The following FRMD4A variants were observed in gnomAD, a reference collection of about 807,000 sequenced individuals.
FRMD4A encodes FERM domain containing 4A, also known as FERM domain-containing protein 4A.
Under a neutral mutation model 129.1 loss-of-function variants are expected in FRMD4A, and 29 were observed. The observed-to-expected ratio is 0.22, with a 90% CI of 0.17 to 0.31. FRMD4A has a LOEUF of 0.31. FRMD4A is among the 10% of genes least tolerant of loss of function. FRMD4A has a pLI of 1.00. For synonymous variants in FRMD4A, 634 were observed against 571.6 expected, an observed-to-expected ratio of 1.11 and a Z score of -1.56; for missense variants, 1,272 against 1,375.8, an observed-to-expected ratio of 0.92 and a Z score of 1.19.
intron 2 of FRMD4A, among the ~76,000 whole-genome samples, chr10:14,123,242 C>G (rs774671363): frequency 6.6e-5 from 10 of 152,120 alleles, no homozygotes; most frequent in Non-Finnish European, 1.3e-4. Flanking sequence ...TATTGAGAGG[C>G]CGCGAGTTTG....
At chr10:14,279,148 T>C (rs948963421) in intron 2 of FRMD4A, among the ~76,000 whole-genome samples, 12 of 151,250 alleles carry the variant, frequency 7.9e-5, no homozygotes, top group African/African-American at 2.7e-4. Flanking sequence ...AAACTTATTA[T>C]CAAAGTAAAC....
At chr10:13,668,131 G>A (rs372319376) in intron 17 of FRMD4A, 1 of 152,270 alleles carries the variant, frequency 6.6e-6, no homozygotes, top group African/African-American at 2.4e-5. Flanking sequence ...GGAACAAGAA[G>A]CGAGAGGAAA....
At chr10:14,285,219 G>A (rs1845645260) in intron 2 of FRMD4A, among the ~76,000 whole-genome samples, 1 of 152,188 alleles carries the variant, frequency 6.6e-6, no homozygotes, top group Admixed American at 6.5e-5. Context: ...GCAAAGCAGG[G>A]CTGCTCCAAC....
At chr10:13,717,696 T>A (rs1433239253) in intron 12 of FRMD4A, among the ~76,000 whole-genome samples, 1 of 136,682 alleles carries the variant, frequency 7.3e-6, no homozygotes, top group South Asian at 2.4e-4. Context: ...GTTCTTGTTT[T>A]TTTTTTTTTT....
At chr10:13,811,290 C>CT (rs1251736240) in intron 3 of FRMD4A, among the ~76,000 whole-genome samples, 14,365 of 126,262 alleles carry the variant, frequency 0.11, 1,081 homozygotes, top group African/African-American at 0.21. Context: ...CCACGCATGG[C>CT]TTTTTTTTTT....
intron 2 of FRMD4A, among the ~76,000 whole-genome samples, chr10:14,206,779 C>T (rs1309717527): frequency 9.0e-6 from 1 of 111,052 alleles, no homozygotes; most frequent in Non-Finnish European, 1.7e-5. Context: ...TACACTCCAG[C>T]AGCCTGGATG....
At chr10:14,016,341 A>G (rs1377517496) in intron 2 of FRMD4A, among the ~76,000 whole-genome samples, 1 of 152,238 alleles carries the variant, frequency 6.6e-6, no homozygotes, top group Non-Finnish European at 1.5e-5. Flanking sequence ...CCTACCCAAC[A>G]GGATGAAACA....
chr10:13,804,118 G>T (rs1374584395), intron 4 of FRMD4A, among the ~76,000 whole-genome samples: 1 of 152,216 alleles, frequency 6.6e-6, no homozygotes, highest in Non-Finnish European at 1.5e-5. Flanking sequence ...AGCATGGGTC[G>T]TCTGAGAGGT....
chr10:13,715,517 T>C (rs2088693398), intron 12 of FRMD4A, among the ~76,000 whole-genome samples: 1 of 152,204 alleles, frequency 6.6e-6, no homozygotes, highest in African/African-American at 2.4e-5. Context: ...TTTGAAATAA[T>C]AGGAATAATA....
At chr10:13,981,368 G>A (rs986788212) in intron 2 of FRMD4A, among the ~76,000 whole-genome samples, 1 of 152,136 alleles carries the variant, frequency 6.6e-6, no homozygotes, top group Non-Finnish European at 1.5e-5. Context: ...AGTTTAGGTC[G>A]ACCAGGAGGC....
chr10:13,837,038 T>C (rs1048784271), intron 3 of FRMD4A, among the ~76,000 whole-genome samples: 5 of 152,094 alleles, frequency 3.3e-5, no homozygotes, highest in Admixed American at 6.5e-5. Flanking sequence ...ATTACAGGCA[T>C]GAGCCACCGC....
At chr10:14,297,544 A>C (rs1175316931) in intron 2 of FRMD4A, among the ~76,000 whole-genome samples, 1 of 152,180 alleles carries the variant, frequency 6.6e-6, no homozygotes, top group Non-Finnish European at 1.5e-5. Context: ...TATTGTCTTC[A>C]ATGCTTCCTA....
chr10:14,276,116 C>T (rs1845331020), intron 2 of FRMD4A, among the ~76,000 whole-genome samples: 1 of 152,172 alleles, frequency 6.6e-6, no homozygotes, highest in African/African-American at 2.4e-5. Context: ...GCTTGGCATT[C>T]GTCAAATCAC....
chr10:14,156,139 A>C (rs542956008), intron 2 of FRMD4A, among the ~76,000 whole-genome samples: 2 of 152,308 alleles, frequency 1.3e-5, no homozygotes, highest in East Asian at 3.9e-4. Context: ...GTCCACTCAC[A>C]AGACAACGGA....
At chr10:14,064,259 G>A (rs1337401967) in intron 2 of FRMD4A, among the ~76,000 whole-genome samples, 3 of 152,302 alleles carry the variant, frequency 2.0e-5, no homozygotes, top group Middle Eastern at 3.4e-3. Context: ...GATGTTTTCC[G>A]TAACTACAGC....
In FRMD4A at chr10:13,652,170, TAGG is replaced by T. The variant is rs2081677556; in HGVS notation, c.3051-199_3051-197del. On this transcript the variant is annotated intron_variant, in intron 23 of 24. Transcript: ENST00000357447. ...AATTGAGTCAAAATACCTAGTTTGT[TAGG>T]AGGGACGGGCCCTCTTTTACCCATG... The T allele has an allele frequency of 7.5e-5, 45 of 601,554 alleles. 1 individual carries two copies. In the South Asian group the frequency reaches 8.9e-4, roughly 12 times the overall value. The allele number at this position is 601,554 out of a possible 1,614,324, so 37.3% of individuals were successfully genotyped here. A position where few individuals can be genotyped will look rare whatever the true frequency, so the allele number is the denominator to read the frequency against.
At chr10:13,754,681 G>A (rs535447095) in intron 8 of FRMD4A, among the ~76,000 whole-genome samples, 1 of 152,004 alleles carries the variant, frequency 6.6e-6, no homozygotes, top group South Asian at 2.1e-4. Flanking sequence ...GCTGTTAGGT[G>A]TGTTTCAAGT....
intron 2 of FRMD4A, among the ~76,000 whole-genome samples, chr10:14,180,279 T>C (rs796415017): frequency 1.3e-5 from 2 of 152,308 alleles, no homozygotes; most frequent in African/African-American, 4.8e-5. Flanking sequence ...TGACCTGAGA[T>C]TGAGAGCATT....
chr10:13,680,881 TA>T lies in FRMD4A; in HGVS notation c.1118-5838del, dbSNP rs746723192. On this transcript the variant is annotated intron_variant, in intron 15 of 24. Coordinates refer to ENST00000357447, the MANE Select transcript of FRMD4A (RefSeq NM_018027.5). ...GGCCATAGTGAGACCCCTGCTCTAC[TA>T]AAAAAAAATTAAATGATCTAAATCT... Among the ~76,000 whole-genome samples, 10 of 151,508 alleles carry T rather than the reference TA, an allele frequency of 6.6e-5. 1 individual carries two copies. In the East Asian group the frequency reaches 1.5e-3, roughly 23 times the overall value.
Sources: gnomAD v4.1 joint callset for allele counts (sites outside exome capture counted in the v4.1 genomes callset) on GRCh38, gnomAD v4.1.1 for gene constraint, MANE v1.5 for transcripts, NCBI Gene and HGNC (gene_info 2026-07-23, HGNC 2026-07-21) for gene names.